GABRA5: variants seen among roughly 807,000 people sequenced by gnomAD.
GABRA5 encodes the protein gamma-aminobutyric acid type A receptor subunit alpha5, also known as gamma-aminobutyric acid receptor subunit alpha-5.
A neutral mutation model predicts 47.3 loss-of-function variants in GABRA5; 18 were observed. The observed-to-expected ratio is 0.38, with a 90% CI of 0.26 to 0.56. The LOEUF (loss-of-function observed/expected upper bound fraction) is 0.56. Ranked by LOEUF, GABRA5 falls within the 20% of genes least tolerant of loss-of-function variation. The probability of loss-of-function intolerance (pLI) is 0.71; values close to 1 mark genes in which losing one functional copy is unlikely to be tolerated. For missense variants in GABRA5, 365 were observed against 599.3 expected, an observed-to-expected ratio of 0.61 and a Z score of 4.08; for synonymous variants, 237 against 229.3, an observed-to-expected ratio of 1.03 and a Z score of -0.30.
intron 10 of GABRA5, among the ~76,000 whole-genome samples, chr15:26,945,207 C>G (rs1203841741): frequency 6.6e-6 from 1 of 152,126 alleles, no homozygotes; most frequent in Non-Finnish European, 1.5e-5. Context: ...GAAGGCTCTG[C>G]GTGCTGGAAG....
intron 6 of GABRA5, among the ~76,000 whole-genome samples, chr15:26,897,333 C>T (rs1054500537): frequency 1.3e-5 from 2 of 152,094 alleles, no homozygotes; most frequent in Non-Finnish European, 2.9e-5. Flanking sequence ...GATTAGAACA[C>T]GGGCACCCAC....
chr15:26,947,233 G>T (rs1304720130), intron 10 of GABRA5, among the ~76,000 whole-genome samples: 1 of 152,062 alleles, frequency 6.6e-6, no homozygotes, highest in African/African-American at 2.4e-5. Context: ...TTTATTTTAG[G>T]TTCAGAGGTA....
intron 8 of GABRA5, 119 bp downstream of exon 8, chr15:26,937,447 CA>C (rs754056464): frequency 3.3e-5 from 35 of 1,065,708 alleles, no homozygotes; most frequent in Non-Finnish European, 4.6e-5. Context: ...AGCAGCCTCC[CA>C]CACAACCTGT....
At chr15:26,905,570 C>A (rs1566875273) in intron 6 of GABRA5, among the ~76,000 whole-genome samples, 1 of 151,540 alleles carries the variant, frequency 6.6e-6, no homozygotes, top group Admixed American at 6.6e-5. Context: ...TTCTTTCTGT[C>A]CCTTTCTTCT....
intron 7 of GABRA5, among the ~76,000 whole-genome samples, chr15:26,929,399 C>T (rs1033169176): frequency 1.4e-4 from 22 of 152,202 alleles, no homozygotes; most frequent in Admixed American, 7.2e-4. Flanking sequence ...CCTTGGCCCA[C>T]GCTTTGCCCT....
chr15:26,937,151 T>C, intron 7 of GABRA5, 34 bp from the exon 8 acceptor site: 5 of 1,612,452 alleles, frequency 3.1e-6, no homozygotes, highest in Non-Finnish European at 4.2e-6. Context: ...AATGATTTCA[T>C]GTTTATGTCA....
intron 6 of GABRA5, among the ~76,000 whole-genome samples, chr15:26,899,498 G>C (rs939939091): frequency 3.3e-5 from 5 of 152,118 alleles, no homozygotes; most frequent in Non-Finnish European, 7.3e-5. Flanking sequence ...GTTCTCTCTA[G>C]ATACTCTACT....
rs1433011366 is a variant in GABRA5 at position 26,943,313 on chromosome 15, G to A, written c.976G>A (p.Val326Met). The change falls in exon 10 of 11, where the codon GTG becomes ATG. Residue 326 changes from valine (V) to methionine (M), a missense_variant. Val to Met is a conservative substitution (Grantham distance 21). Around this residue, in one of 3 missense-constraint regions of GABRA5, gnomAD observed 43 missense variants for 133.7 expected, o/e 0.32. Coordinates refer to ENST00000335625, the MANE Select transcript of GABRA5 (RefSeq NM_000810.4). Reference sequence around the variant, plus strand: ...CACCGCCATGGACTGGTTCATAGCCGTGTGCTATGCCTTCGTCTTCTCGGC... The same window carrying A: ...CACCGCCATGGACTGGTTCATAGCCATGTGCTATGCCTTCGTCTTCTCGGC... ...YATAMDWFIA[V>M]CYAFVFSALI... 1.3e-6 allele frequency: 2 copies of A among 1,587,716 alleles called. No homozygotes were observed. Among genetic ancestry groups the A allele is most frequent in the Non-Finnish European group, 8.6e-7 (1 of 1,166,890 alleles).
At chr15:26,868,358 C>A (rs762589798) in intron 1 of GABRA5, among the ~76,000 whole-genome samples, 33 of 151,780 alleles carry the variant, frequency 2.2e-4, no homozygotes, top group Non-Finnish European at 4.4e-4. Flanking sequence ...TTGTGTCTCC[C>A]AATTCCGGAG....
At chr15:26,879,485 C>A (rs1255575207) in intron 3 of GABRA5, among the ~76,000 whole-genome samples, 1 of 152,164 alleles carries the variant, frequency 6.6e-6, no homozygotes, top group Non-Finnish European at 1.5e-5. Context: ...AAGTATACAT[C>A]TGTGGGCTCC....
chr15:26,927,798 A>C (rs1893996703), intron 7 of GABRA5, among the ~76,000 whole-genome samples: 1 of 152,240 alleles, frequency 6.6e-6, no homozygotes, highest in Non-Finnish European at 1.5e-5. Context: ...GTTCTCTGCT[A>C]TTAGGAGACA....
chr15:26,939,453 G>A (rs777695935), intron 8 of GABRA5: 19 of 759,760 alleles, frequency 2.5e-5, no homozygotes, highest in South Asian at 1.9e-4. Context: ...CTGCACCTGC[G>A]ACACAGCCAG....
chr15:26,943,427 G>A lies in GABRA5; in HGVS notation c.1089+1G>A. 1 of 1,581,176 alleles carries A rather than the reference G, an allele frequency of 6.3e-7. No individual in the cohort carries two copies. The highest frequency in any genetic ancestry group is 8.6e-7 in the Non-Finnish European group (1 of 1,163,090). On this transcript the variant is annotated splice_donor_variant, in intron 10 of 10. Coordinates refer to ENST00000335625, the MANE Select transcript of GABRA5 (RefSeq NM_000810.4). LOFTEE classifies it high-confidence loss of function. Reference sequence around the variant, plus strand: ...AGCCTTGGAAGCAGCCAAGATCAAGGTACTGACTATTTCTCCTCCTTTCTT... The same window carrying A: ...AGCCTTGGAAGCAGCCAAGATCAAGATACTGACTATTTCTCCTCCTTTCTT...
rs189273239 is a variant in GABRA5 at position 26,945,114 on chromosome 15, C to T, written c.1089+1688C>T. The stretch of plus-strand genomic sequence containing the variant: ...AGAGAAAGGGTCTTCTAGAATAAGC[C>T]GCGTGCCTCAAGCTGGCTTGTGGAA... On this transcript the variant is annotated intron_variant, in intron 10 of 10. Transcript: ENST00000335625. Among the ~76,000 whole-genome samples the T allele has an allele frequency of 4.6e-5, 7 of 152,338 alleles. No homozygotes were observed. In the East Asian group the frequency reaches 1.2e-3, roughly 25 times the overall value.
At position 26,939,881 on chromosome 15, in the gene GABRA5, A is replaced by C. The variant is rs775161893; in HGVS notation, c.725-44A>C. ...GGTGAACTCCTTGGATGCAGCAAGCAGAGACTCTAGGGGACTGATGTGCAG... is the reference window on the plus strand; with the variant it reads ...GGTGAACTCCTTGGATGCAGCAAGCCGAGACTCTAGGGGACTGATGTGCAG... On this transcript the variant is annotated intron_variant, in intron 8 of 10. Coordinates refer to ENST00000335625, the MANE Select transcript of GABRA5 (RefSeq NM_000810.4). 1.9e-6 allele frequency: 3 copies of C among 1,603,816 alleles called. No homozygotes were observed. The Admixed American group carries it at 5.0e-5, about 27-fold the overall frequency.
rs1393451023 is a variant in GABRA5, at chr15:26,948,920, C to A, written c.*687C>A. The A allele has an allele frequency of 6.6e-6, 1 of 152,134 alleles. No individual in the cohort carries two copies. The highest frequency in any genetic ancestry group is 1.5e-5 in the Non-Finnish European group (1 of 68,050). 9.4% of individuals were successfully genotyped at this position (152,134 alleles called of 1,614,324 possible). A position where few individuals can be genotyped will look rare whatever the true frequency, so the allele number is the denominator to read the frequency against. The stretch of plus-strand genomic sequence containing the variant: ...GAAGAAAAAGAAACATTTCTTACCC[C>A]ACACCACCCACTACCTGAACAATAG... On this transcript the variant is annotated 3_prime_UTR_variant, in exon 11 of 11. Transcript: ENST00000335625.
chr15:26,906,149 G>A (rs1218350846), intron 6 of GABRA5, among the ~76,000 whole-genome samples: 1 of 124,296 alleles, frequency 8.0e-6, no homozygotes, highest in African/African-American at 3.0e-5. Context: ...GTTTATGCCT[G>A]TTGTGATTAT....
At chr15:26,918,237 C>A (rs1296798085) in intron 7 of GABRA5, among the ~76,000 whole-genome samples, 1 of 151,970 alleles carries the variant, frequency 6.6e-6, no homozygotes, top group African/African-American at 2.4e-5. Context: ...CTTCTAAGTT[C>A]CCCTTTGATT....
chr15:26,912,671 T>C (rs1893625130), intron 6 of GABRA5, among the ~76,000 whole-genome samples: 1 of 152,170 alleles, frequency 6.6e-6, no homozygotes, highest in Non-Finnish European at 1.5e-5. Flanking sequence ...ATTTAACCTT[T>C]CAATGTCATG....
Sources: gnomAD v4.1 joint callset for allele counts (sites outside exome capture counted in the v4.1 genomes callset) on GRCh38, gnomAD v4.1.1 for gene constraint, gnomAD v4.1.1 regional missense constraint, MANE v1.5 for transcripts, NCBI Gene and HGNC (gene_info 2026-07-23, HGNC 2026-07-21) for gene names.